The following DEFB112 variants were observed in gnomAD, a reference collection of about 807,000 sequenced individuals.
The protein encoded by DEFB112 is defensin beta 112, also known as beta-defensin 112.
A neutral mutation model predicts 1.1 loss-of-function variants in DEFB112; 2 were observed. The ratio of observed to expected loss-of-function variants is 1.85; its 90% CI spans 0.76 to 5.83. The LOEUF (loss-of-function observed/expected upper bound fraction) is 5.83. Ranked by LOEUF, DEFB112 falls within the 30% of genes most tolerant of loss-of-function variation. The pLI is 0.05. For synonymous variants in DEFB112, 40 were observed against 31.2 expected, an observed-to-expected ratio of 1.28 and a Z score of -0.93; for missense variants, 120 against 94.4, an observed-to-expected ratio of 1.27 and a Z score of -1.12.
At position 50,042,145 on chromosome 6, in the gene DEFB112, G is replaced by A. The variant is rs1305982837; in HGVS notation, c.*1430C>T. ...CATAATTTTCATCTATCCTACCACA[G>A]ATACATTAAATTATAGTATAGGTAT... On this transcript the variant is annotated 3_prime_UTR_variant, in exon 2 of 2. Transcript: ENST00000651554. Among the ~76,000 whole-genome samples, 2 of 151,908 alleles carry A rather than the reference G, an allele frequency of 1.3e-5. No homozygotes were observed. The highest frequency in any genetic ancestry group is 3.9e-4 in the East Asian group (2 of 5,188).
chr6:50,042,687 C>A lies in DEFB112; in HGVS notation c.*888G>T, dbSNP rs1774764274. On this transcript the variant is annotated 3_prime_UTR_variant, in exon 2 of 2. Coordinates refer to ENST00000651554, the MANE Select transcript of DEFB112 (RefSeq NM_001369057.2). ...CTTTAATCTAGGTGAGGTATTAAGA[C>A]CAACTGCTGACCCTTTCCCTCAAGG... Among the ~76,000 whole-genome samples, 2 of 151,952 alleles carry A rather than the reference C, an allele frequency of 1.3e-5. No individual in the cohort carries two copies. Among genetic ancestry groups the A allele is most frequent in the African/African-American group, 2.4e-5 (1 of 41,392 alleles).
intron 1 of DEFB112, among the ~76,000 whole-genome samples, chr6:50,047,613 T>C (rs1339391478): frequency 6.6e-6 from 1 of 152,172 alleles, no homozygotes; most frequent in African/African-American, 2.4e-5. Context: ...GGAAGGAGCA[T>C]TGAAAAGTCC....
chr6:50,043,603 T>C lies in DEFB112; in HGVS notation c.257A>G (p.Glu86Gly). ...WIPKDSVGTQ[E>G]WYPKDSRH ...ATGACGTGAGTCTTTAGGGTACCATTCTTGAGTCCCTACTGAGTCCTTTGG... is the reference window on the plus strand; with the variant it reads ...ATGACGTGAGTCTTTAGGGTACCATCCTTGAGTCCCTACTGAGTCCTTTGG... Residue 86 changes from glutamate (E) to glycine (G), a missense_variant, in exon 2 of 2, where the codon GAA becomes GGA. Physicochemically the swap from Glu to Gly is moderately conservative, Grantham distance 98. Coordinates refer to ENST00000651554, the MANE Select transcript of DEFB112 (RefSeq NM_001369057.2). The C allele has an allele frequency of 6.2e-7, 1 of 1,613,388 alleles. No homozygotes were observed. Among genetic ancestry groups the C allele is most frequent in the Non-Finnish European group, 8.5e-7 (1 of 1,179,562 alleles).
In DEFB112 at chr6:50,043,714, C is replaced by A. The variant is rs572110388; in HGVS notation, c.146G>T (p.Ser49Ile). The A allele has an allele frequency of 1.2e-6, 2 of 1,613,544 alleles. No homozygotes were observed. Among genetic ancestry groups the A allele is most frequent in the South Asian group, 2.2e-5 (2 of 91,066 alleles). The change falls in exon 2 of 2, where the codon AGT becomes ATT. Residue 49 changes from serine to isoleucine, a missense_variant. By Grantham distance (142) the Ser-to-Ile change is moderately radical. Coordinates refer to ENST00000651554, the MANE Select transcript of DEFB112 (RefSeq NM_001369057.2). ...TGCACAGTATGAAATCCTAAATTCA[C>A]TATCATCACATTGATTTTTACATCG... ...GGRCKNQCDDSEFRISYCARP... is the reference protein window; with the variant it reads ...GGRCKNQCDDIEFRISYCARP...
intron 1 of DEFB112, chr6:50,048,758 AT>A (rs1467123908): frequency 2.8e-6 from 2 of 708,190 alleles, no homozygotes; most frequent in Admixed American, 2.7e-5. Context: ...AGTTGCCTCT[AT>A]TTAATGGTCC....
In DEFB112 at chr6:50,042,906, C is replaced by T. The variant is rs1221324160; in HGVS notation, c.*669G>A. On this transcript the variant is annotated 3_prime_UTR_variant, in exon 2 of 2. Transcript: ENST00000651554. ...AGAATCATCTGATAATATGTGGAAA[C>T]ATTAAAAACATGAAACAAAGCAAAA... Among the ~76,000 whole-genome samples, 2 of 151,850 alleles carry T rather than the reference C, an allele frequency of 1.3e-5. No homozygotes were observed. The highest frequency in any genetic ancestry group is 6.6e-5 in the Admixed American group (1 of 15,220).
intron 1 of DEFB112, among the ~76,000 whole-genome samples, chr6:50,045,569 A>G (rs752510371): frequency 2.0e-5 from 3 of 152,182 alleles, no homozygotes; most frequent in South Asian, 2.1e-4. Context: ...ATACAAATAA[A>G]TGTGTACATA....
chr6:50,049,383 C>A (rs961314263), intron 1 of DEFB112, among the ~76,000 whole-genome samples: 2 of 152,104 alleles, frequency 1.3e-5, no homozygotes, highest in East Asian at 1.9e-4. Context: ...TTTAGCAAGA[C>A]ATTTTATCTG....
Position 50,042,594 on chromosome 6 carries a change from C to A in DEFB112, c.*981G>T, listed in dbSNP as rs1774762961. On this transcript the variant is annotated 3_prime_UTR_variant, in exon 2 of 2. Transcript: ENST00000651554. The stretch of plus-strand genomic sequence containing the variant: ...TTCTTTAAGTAATACTTAGCACATA[C>A]CAAGCCCTGCAAAACCATCACCTAT... Among the ~76,000 whole-genome samples the A allele has an allele frequency of 3.9e-5, 6 of 152,094 alleles. No homozygotes were observed. In the South Asian group the frequency reaches 8.3e-4, roughly 21 times the overall value.
chr6:50,048,669 G>T (rs773977541), intron 1 of DEFB112: 1 of 1,563,904 alleles, frequency 6.4e-7, no homozygotes, highest in Non-Finnish European at 8.8e-7. Flanking sequence ...CTAAGAGGTT[G>T]TTAAGAGCTC....
chr6:50,048,845 G>A (rs924882572), intron 1 of DEFB112, among the ~76,000 whole-genome samples: 2 of 152,046 alleles, frequency 1.3e-5, no homozygotes, highest in African/African-American at 4.8e-5. Flanking sequence ...ATGAATAAAT[G>A]ACTTGGCTAT....
Position 50,042,745 on chromosome 6 carries a change from C to T in DEFB112, c.*830G>A, listed in dbSNP as rs1774765383. Among the ~76,000 whole-genome samples, 3 of 151,874 alleles carry T rather than the reference C, an allele frequency of 2.0e-5. No homozygotes were observed. The South Asian group carries it at 6.2e-4, about 32-fold the overall frequency. On this transcript the variant is annotated 3_prime_UTR_variant, in exon 2 of 2. Coordinates refer to ENST00000651554, the MANE Select transcript of DEFB112 (RefSeq NM_001369057.2). ...TTAGCCTTTGTTAACACATCCTTGC[C>T]ACATAAATCCTGGGTATGACAAAAA...
Position 50,043,504 on chromosome 6 carries a change from G to T in DEFB112, c.*71C>A. On this transcript the variant is annotated 3_prime_UTR_variant, in exon 2 of 2. Transcript: ENST00000651554. ...AGGTATGCATGCATGGAAATTATAG[G>T]TCATTAATGAAGTGATGAAATAATG... is the stretch of plus-strand genomic sequence containing the variant. 8.8e-7 allele frequency: 1 copy of T among 1,141,684 alleles called. No homozygotes were observed. 70.7% of individuals were successfully genotyped at this position (1,141,684 alleles called of 1,614,324 possible).
chr6:50,043,714 C>T lies in DEFB112; in HGVS notation c.146G>A (p.Ser49Asn), dbSNP rs572110388. ...TGCACAGTATGAAATCCTAAATTCA[C>T]TATCATCACATTGATTTTTACATCG... is the stretch of plus-strand genomic sequence containing the variant. ...GGRCKNQCDD[S>N]EFRISYCARP... Residue 49 changes from serine to asparagine, a missense_variant, in exon 2 of 2, where the codon AGT becomes AAT. By Grantham distance (46) the Ser-to-Asn change is conservative. Transcript: ENST00000651554. The T allele has an allele frequency of 6.4e-4, 1,033 of 1,613,544 alleles. 15 individuals are homozygous for T. In the South Asian group the frequency reaches 0.01, roughly 16 times the overall value.
rs562112643 is a variant in DEFB112, at chr6:50,043,222, C to G, written c.*353G>C. On this transcript the variant is annotated 3_prime_UTR_variant, in exon 2 of 2. Transcript: ENST00000651554. The stretch of plus-strand genomic sequence containing the variant: ...GGGTCACATCTCTTATCAACTCTGT[C>G]CCCACTCCTGAGTCTCCTCAAAGAA... Among the ~76,000 whole-genome samples the G allele has an allele frequency of 9.9e-5, 15 of 152,100 alleles. No homozygotes were observed. The highest frequency in any genetic ancestry group is 3.4e-4 in the African/African-American group (14 of 41,544).
At chr6:50,048,725 T>C (rs1774880438) in intron 1 of DEFB112, 1 of 1,074,458 alleles carries the variant, frequency 9.3e-7, no homozygotes, top group Non-Finnish European at 1.4e-6. Context: ...GAAAAATATT[T>C]TCAGAAATAA....
Position 50,043,485 on chromosome 6 carries a change from G to T in DEFB112, c.*90C>A, listed in dbSNP as rs991010557. On this transcript the variant is annotated 3_prime_UTR_variant, in exon 2 of 2. Transcript: ENST00000651554. ...TTAATTATTTATTCATTATAGGTAT[G>T]CATGCATGGAAATTATAGGTCATTA... 49 of 835,090 alleles carry T rather than the reference G, an allele frequency of 5.9e-5. No individual in the cohort carries two copies. Among genetic ancestry groups the T allele is most frequent in the Non-Finnish European group, 9.1e-5 (46 of 507,530 alleles). 51.7% of individuals were successfully genotyped at this position (835,090 alleles called of 1,614,324 possible).
intron 1 of DEFB112, chr6:50,048,609 T>G (rs1481201055): frequency 1.2e-6 from 2 of 1,613,528 alleles, no homozygotes; most frequent in Non-Finnish European, 1.7e-6. Flanking sequence ...TTTGAGTACA[T>G]TTTTTCAAGT....
chr6:50,049,017 A>G lies in DEFB112; in HGVS notation c.58+795T>C, dbSNP rs562221855. Among the ~76,000 whole-genome samples the G allele has an allele frequency of 3.2e-4, 49 of 152,236 alleles. No homozygotes were observed. In the East Asian group the frequency reaches 6.0e-3, roughly 19 times the overall value. On this transcript the variant is annotated intron_variant, in intron 1 of 1. Transcript: ENST00000651554. ...TACCTCAGAAAAGTTCTAAATATAG[A>G]GAGAATTCTAATGAGCACACTTTAA...
Sources: gnomAD v4.1 joint callset for allele counts (sites outside exome capture counted in the v4.1 genomes callset) on GRCh38, gnomAD v4.1.1 for gene constraint, MANE v1.5 for transcripts, NCBI Gene and HGNC (gene_info 2026-07-23, HGNC 2026-07-21) for gene names.